CDON: variants seen among roughly 807,000 people sequenced by gnomAD.
The protein encoded by CDON is cell adhesion associated, oncogene regulated.
CDON carries 73 observed loss-of-function variants against 120.9 expected under a neutral mutation model. That is an observed-to-expected ratio of 0.60 (90% CI 0.50 to 0.73). CDON has a LOEUF of 0.73. CDON is among the 30% of genes least tolerant of loss of function. The pLI is 0.00. For synonymous variants in CDON, 566 were observed against 573.5 expected, an observed-to-expected ratio of 0.99 and a Z score of 0.19; for missense variants, 1,470 against 1,587.3, an observed-to-expected ratio of 0.93 and a Z score of 1.26.
intron 11 of CDON, among the ~76,000 whole-genome samples, chr11:125,999,657 T>A (rs1946885320): frequency 6.6e-6 from 1 of 152,128 alleles, no homozygotes; most frequent in South Asian, 2.1e-4. Context: ...CCACACCCAA[T>A]CCATCATCTT....
At chr11:126,040,618 A>G (rs1368740065) in intron 1 of CDON, among the ~76,000 whole-genome samples, 1 of 151,328 alleles carries the variant, frequency 6.6e-6, no homozygotes, top group Admixed American at 6.6e-5. Flanking sequence ...GATCGAGACC[A>G]TCCTGGCTAA....
chr11:126,043,768 G>C (rs1237172208), intron 1 of CDON, among the ~76,000 whole-genome samples: 1 of 152,168 alleles, frequency 6.6e-6, no homozygotes, highest in Non-Finnish European at 1.5e-5. Flanking sequence ...ACTTCAGTGT[G>C]AATCGATGGC....
At chr11:125,987,953 TC>T (rs1185462075) in intron 15 of CDON, among the ~76,000 whole-genome samples, 1 of 152,242 alleles carries the variant, frequency 6.6e-6, no homozygotes, top group African/African-American at 2.4e-5. Context: ...TATCATTCAA[TC>T]TTTTGGAGCC....
intron 5 of CDON, 51 bp from the exon 6 acceptor site, chr11:126,017,426 C>T (rs1236752825): frequency 4.5e-6 from 7 of 1,566,628 alleles, no homozygotes; most frequent in Non-Finnish European, 6.1e-6. Context: ...CGATTCTAAT[C>T]TCTTGCTTAG....
At chr11:126,027,643 C>G (rs1041898487) in intron 1 of CDON, among the ~76,000 whole-genome samples, 4 of 152,134 alleles carry the variant, frequency 2.6e-5, no homozygotes, top group Non-Finnish European at 5.9e-5. Context: ...AAGTCAGCGG[C>G]CTTAATGTAT....
chr11:125,980,135 T>C (rs1414325376), intron 17 of CDON, among the ~76,000 whole-genome samples: 1 of 152,162 alleles, frequency 6.6e-6, no homozygotes, highest in African/African-American at 2.4e-5. Context: ...TTAAACAAAT[T>C]ATCTATTTGA....
In CDON at chr11:125,959,499, T is replaced by C. The variant is rs1363030457; in HGVS notation, c.*1443A>G. 5 of 152,164 alleles carry C rather than the reference T, an allele frequency of 3.3e-5. No individual in the cohort carries two copies. Among genetic ancestry groups the C allele is most frequent in the Middle Eastern group, 3.4e-3 (1 of 294 alleles). The allele number at this position is 152,164 out of a possible 1,614,324, so 9.4% of individuals were successfully genotyped here. On this transcript the variant is annotated 3_prime_UTR_variant, in exon 20 of 20. Transcript: ENST00000531738. ...TGTCCTTGTCACGCAGAGGCAGCCG[T>C]GGTCAGGAGCTCTGCTGACCAACTT... is the stretch of plus-strand genomic sequence containing the variant.
chr11:126,005,623 C>T lies in CDON; in HGVS notation c.1851+136G>A. ...TTGGTAAATCCAGCATGACTGGGAT[C>T]TCTCTGACAAACTCATCAGTCTGGA... On this transcript the variant is annotated intron_variant, in intron 9 of 19. Transcript: ENST00000531738. 5 of 799,626 alleles carry T rather than the reference C, an allele frequency of 6.3e-6. No individual in the cohort carries two copies. In the East Asian group the frequency reaches 1.3e-4, roughly 20 times the overall value. 49.5% of individuals were successfully genotyped at this position (799,626 alleles called of 1,614,324 possible).
intron 11 of CDON, among the ~76,000 whole-genome samples, chr11:126,000,072 G>A (rs1254700581): frequency 6.6e-6 from 1 of 152,162 alleles, no homozygotes; most frequent in Admixed American, 6.5e-5. Context: ...CTGAGTGACT[G>A]ACTTAGATAT....
At chr11:126,018,584 T>G in intron 4 of CDON, 111 bp from the exon 5 acceptor site, 1 of 957,410 alleles carries the variant, frequency 1.0e-6, no homozygotes, top group South Asian at 1.4e-5. Flanking sequence ...TATTTTATTT[T>G]AGAGATGGGG....
In CDON at chr11:126,031,855, CCT is replaced by C. The variant is rs549053988; in HGVS notation, c.-61-8320_-61-8319del. 9.8e-5 allele frequency among the ~76,000 whole-genome samples: 15 copies of C among 152,334 alleles called. No homozygotes were observed. In the South Asian group the frequency reaches 3.1e-3, roughly 32 times the overall value. On this transcript the variant is annotated intron_variant, in intron 1 of 19. Transcript: ENST00000531738. Reference sequence around the variant, plus strand: ...ACCCGTGAAGGAATTGCTCACCATTCCTCTTTCACCAGCCTCAAGGCTTCTCT... The same window carrying C: ...ACCCGTGAAGGAATTGCTCACCATTCCTTTCACCAGCCTCAAGGCTTCTCT...
chr11:125,959,141 A>G lies in CDON; in HGVS notation c.*1801T>C, dbSNP rs1221752468. ...ACATTCTACTGGAAGTAACTCTTGC[A>G]TAGTGACCCAGCTTAAACAAGCACA... On this transcript the variant is annotated 3_prime_UTR_variant, in exon 20 of 20. Coordinates refer to ENST00000531738, the MANE Select transcript of CDON (RefSeq NM_001378964.1). 1.3e-5 allele frequency: 2 copies of G among 152,364 alleles called. No homozygotes were observed. The highest frequency in any genetic ancestry group is 6.5e-5 in the Admixed American group (1 of 15,286). The allele number at this position is 152,364 out of a possible 1,614,324, so 9.4% of individuals were successfully genotyped here. A position where few individuals can be genotyped will look rare whatever the true frequency, so the allele number is the denominator to read the frequency against.
chr11:126,058,222 G>A (rs1591441612), intron 1 of CDON, among the ~76,000 whole-genome samples: 1 of 152,128 alleles, frequency 6.6e-6, no homozygotes, highest in East Asian at 1.9e-4. Context: ...AAGATGAAAG[G>A]CACATCAGTG....
intron 1 of CDON, among the ~76,000 whole-genome samples, chr11:126,030,129 T>C (rs1386971570): frequency 6.6e-6 from 1 of 152,210 alleles, no homozygotes; most frequent in Non-Finnish European, 1.5e-5. Context: ...TAAGCTCTAC[T>C]TTATATGCCA....
At position 125,960,046 on chromosome 11, in the gene CDON, G is replaced by C. The variant is rs1280055350; in HGVS notation, c.*896C>G. 1 of 152,186 alleles carries C rather than the reference G, an allele frequency of 6.6e-6. No individual in the cohort carries two copies. The highest frequency in any genetic ancestry group is 2.1e-4 in the South Asian group (1 of 4,830). The allele number at this position is 152,186 out of a possible 1,614,324, so 9.4% of individuals were successfully genotyped here. On this transcript the variant is annotated 3_prime_UTR_variant, in exon 20 of 20. Transcript: ENST00000531738. ...CACCACGTCCATAACACTATGACTA[G>C]TGCCTAGCAAACTGAACATCACTCG...
Position 126,040,814 on chromosome 11 carries a change from C to CAAAAA in CDON, c.-61-17282_-61-17278dup, listed in dbSNP as rs71048763. Reference sequence around the variant, plus strand: ...CGGGCAACAGAGAAAGACTCCGTCTCAAAAAAAAAAAAAAAAAAAAAAAAA... The same window carrying CAAAAA: ...CGGGCAACAGAGAAAGACTCCGTCTCAAAAAAAAAAAAAAAAAAAAAAAAAAAAAA... On this transcript the variant is annotated intron_variant, in intron 1 of 19. Transcript: ENST00000531738. Among the ~76,000 whole-genome samples the CAAAAA allele has an allele frequency of 3.0e-3, 136 of 45,006 alleles. 9 individuals are homozygous for CAAAAA. Among genetic ancestry groups the CAAAAA allele is most frequent in the African/African-American group, 0.01 (126 of 12,202 alleles). The allele number at this position is 45,006 out of a possible 152,430, so 29.5% of individuals were successfully genotyped here. A position where few individuals can be genotyped will look rare whatever the true frequency, so the allele number is the denominator to read the frequency against.
Position 125,997,387 on chromosome 11 carries a change from T to G in CDON, c.2182A>C (p.Thr728Pro). The part of the protein sequence containing the change: ...SGVPEAPDRP[T>P]ISTASETSVY... The stretch of plus-strand genomic sequence containing the variant: ...GATGTCTCTGATGCAGTGGAGATGG[T>G]AGGCCGATCTGGTGCCTCTGGAACT... Residue 728 changes from threonine (T) to proline (P), a missense_variant, in exon 12 of 20, where the codon ACC becomes CCC. Thr to Pro is a conservative substitution (Grantham distance 38, BLOSUM62 -1). Coordinates refer to ENST00000531738, the MANE Select transcript of CDON (RefSeq NM_001378964.1). 1 of 1,613,446 alleles carries G rather than the reference T, an allele frequency of 6.2e-7. No individual in the cohort carries two copies. The highest frequency in any genetic ancestry group is 1.6e-4 in the Middle Eastern group (1 of 6,062).
intron 1 of CDON, among the ~76,000 whole-genome samples, chr11:126,031,738 C>T (rs756027609): frequency 5.3e-5 from 8 of 152,114 alleles, no homozygotes; most frequent in Non-Finnish European, 1.0e-4. Context: ...ATTTTAAGTG[C>T]TTTTATTTTC....
rs546767793 is a variant in CDON at position 125,971,187 on chromosome 11, T to C, written c.3356+7117A>G. 3.4e-3 allele frequency among the ~76,000 whole-genome samples: 516 copies of C among 152,072 alleles called. 2 individuals carry two copies. The highest frequency in any genetic ancestry group is 0.017 in the Middle Eastern group (5 of 294). On this transcript the variant is annotated intron_variant, in intron 18 of 19. Transcript: ENST00000531738. Reference sequence around the variant, plus strand: ...TCACGAGGTCAGGAGACCAAGACCATCCTGGCTAACACAGTGAAACCCCAT... The same window carrying C: ...TCACGAGGTCAGGAGACCAAGACCACCCTGGCTAACACAGTGAAACCCCAT...
Sources: allele counts gnomAD v4.1 joint callset (sites outside exome capture counted in the v4.1 genomes callset), GRCh38; gene constraint gnomAD v4.1.1; transcripts MANE v1.5; gene names NCBI Gene and HGNC (gene_info 2026-07-23, HGNC 2026-07-21).